Variants in DOCK1 observed in about 807,000 individuals in gnomAD.
DOCK1 encodes the protein dedicator of cytokinesis 1.
DOCK1 carries 138 observed loss-of-function variants against 262.7 expected under a neutral mutation model. The ratio of observed to expected loss-of-function variants is 0.53; its 90% CI spans 0.46 to 0.61. The LOEUF (loss-of-function observed/expected upper bound fraction) is 0.61, where lower values mean the gene tolerates loss of function less well. DOCK1 is among the 20% of genes least tolerant of loss of function. The pLI is 0.00. For synonymous variants in DOCK1, 866 were observed against 867.4 expected (o/e 1.00, Z 0.03); for missense variants, 1,908 against 2,370.7 (o/e 0.80, Z 4.05).
chr10:126,937,749 C>T (rs2034652250), intron 1 of DOCK1, among the ~76,000 whole-genome samples: 1 of 151,920 alleles, frequency 6.6e-6, no homozygotes, highest in African/African-American at 2.4e-5. Context: ...ATATTAAGCC[C>T]TTAGTGGATA....
At chr10:126,973,401 G>A (rs978331091) in intron 2 of DOCK1, among the ~76,000 whole-genome samples, 1 of 152,078 alleles carries the variant, frequency 6.6e-6, no homozygotes, top group African/African-American at 2.4e-5. Flanking sequence ...GCTGAGGAAT[G>A]TGTTTTTTAA....
intron 27 of DOCK1, among the ~76,000 whole-genome samples, chr10:127,134,794 C>T (rs536020574): frequency 2.0e-5 from 3 of 152,248 alleles, no homozygotes; most frequent in African/African-American, 7.2e-5. Context: ...CTGCAGTGCC[C>T]TCTCCCTTGC....
intron 27 of DOCK1, among the ~76,000 whole-genome samples, chr10:127,139,734 A>G (rs1460022492): frequency 2.0e-5 from 3 of 152,234 alleles, no homozygotes; most frequent in South Asian, 2.1e-4. Flanking sequence ...TTAAACTTCA[A>G]TTCTTTCACT....
intron 49 of DOCK1, among the ~76,000 whole-genome samples, chr10:127,443,241 G>A (rs1019875330): frequency 1.2e-4 from 18 of 152,150 alleles, no homozygotes; most frequent in Non-Finnish European, 2.2e-4. Flanking sequence ...TGTTGGAATT[G>A]GACCTGTTAC....
intron 27 of DOCK1, among the ~76,000 whole-genome samples, chr10:127,140,802 C>T (rs889004668): frequency 2.0e-5 from 3 of 152,210 alleles, no homozygotes; most frequent in Non-Finnish European, 4.4e-5. Context: ...AAGGCAGCAA[C>T]ACCTGCTCTT....
At chr10:127,356,029 T>C (rs1167668578) in intron 32 of DOCK1, among the ~76,000 whole-genome samples, 2 of 152,230 alleles carry the variant, frequency 1.3e-5, no homozygotes, top group Non-Finnish European at 2.9e-5. Context: ...TTGCATCCTT[T>C]CTGCGTGTCA....
chr10:127,146,085 A>G (rs1177911642), intron 27 of DOCK1: 1 of 513,472 alleles, frequency 1.9e-6, no homozygotes, highest in Admixed American at 2.0e-5. Context: ...ATTTACCCCC[A>G]GAAAAATCTC....
At chr10:127,120,186 A>C (rs552112810) in intron 25 of DOCK1, among the ~76,000 whole-genome samples, 7 of 152,304 alleles carry the variant, frequency 4.6e-5, no homozygotes, top group Non-Finnish European at 1.0e-4. Context: ...CTAAGTCAGC[A>C]CTGACAAGCA....
intron 23 of DOCK1, among the ~76,000 whole-genome samples, chr10:127,074,347 C>T (rs1289748815): frequency 6.6e-6 from 1 of 152,150 alleles, no homozygotes; most frequent in Non-Finnish European, 1.5e-5. Flanking sequence ...GACCAGACCC[C>T]AGTTCTCTGT....
At chr10:126,950,830 G>A (rs2036151680) in intron 1 of DOCK1, among the ~76,000 whole-genome samples, 1 of 152,134 alleles carries the variant, frequency 6.6e-6, no homozygotes, top group Non-Finnish European at 1.5e-5. Flanking sequence ...TCTTTCCCAG[G>A]GCAGAATGAA....
chr10:127,142,607 C>G (rs1001967128), intron 27 of DOCK1, among the ~76,000 whole-genome samples: 3 of 152,154 alleles, frequency 2.0e-5, no homozygotes, highest in Non-Finnish European at 4.4e-5. Context: ...GTAGATTTTG[C>G]TGGGTGAGAA....
intron 11 of DOCK1, among the ~76,000 whole-genome samples, chr10:127,010,373 A>C (rs1261472307): frequency 6.6e-6 from 1 of 152,222 alleles, no homozygotes; most frequent in African/African-American, 2.4e-5. Flanking sequence ...AGGCTGAGGC[A>C]GGAGAATCGC....
chr10:127,146,937 C>T (rs1036446089), intron 27 of DOCK1, among the ~76,000 whole-genome samples: 5 of 152,228 alleles, frequency 3.3e-5, no homozygotes, highest in South Asian at 2.1e-4. Context: ...CTATCCTGAC[C>T]AGCTTTCTTT....
intron 23 of DOCK1, among the ~76,000 whole-genome samples, chr10:127,064,435 T>A (rs2045728991): frequency 6.6e-6 from 1 of 152,218 alleles, no homozygotes; most frequent in Non-Finnish European, 1.5e-5. Context: ...AGGATAAGCA[T>A]GGTCTCCAGC....
intron 33 of DOCK1, among the ~76,000 whole-genome samples, chr10:127,370,866 T>G (rs1445544360): frequency 2.6e-5 from 4 of 152,348 alleles, no homozygotes; most frequent in African/African-American, 9.6e-5. Context: ...TTCAGTATTT[T>G]CAGTTGGACA....
intron 29 of DOCK1, among the ~76,000 whole-genome samples, chr10:127,258,846 G>A (rs2059916177): frequency 6.6e-6 from 1 of 152,174 alleles, no homozygotes; most frequent in African/African-American, 2.4e-5. Flanking sequence ...TATCTCCCTA[G>A]GATGTTAAAT....
chr10:127,151,773 T>C (rs1457967024), intron 27 of DOCK1, among the ~76,000 whole-genome samples: 3 of 152,210 alleles, frequency 2.0e-5, no homozygotes, highest in Non-Finnish European at 4.4e-5. Context: ...ATTCCTGTGG[T>C]GCTTGGTCAC....
chr10:127,310,338 A>G (rs560383415), intron 29 of DOCK1, among the ~76,000 whole-genome samples: 131 of 150,458 alleles, frequency 8.7e-4, no homozygotes, highest in African/African-American at 3.1e-3. Context: ...CATTAAGCAG[A>G]TCACCTCTGA....
chr10:127,059,584 A>G (rs2045398191), intron 22 of DOCK1, among the ~76,000 whole-genome samples: 1 of 152,086 alleles, frequency 6.6e-6, no homozygotes, highest in Admixed American at 6.6e-5. Flanking sequence ...TTGTTAATCC[A>G]TCTAATAAAT....
Sources: gnomAD v4.1 joint callset for allele counts (sites outside exome capture counted in the v4.1 genomes callset) on GRCh38, gnomAD v4.1.1 for gene constraint, MANE v1.5 for transcripts, NCBI Gene and HGNC (gene_info 2026-07-23, HGNC 2026-07-21) for gene names.